Variants in MAN2A1 observed in about 807,000 individuals in gnomAD.
MAN2A1 encodes the protein mannosidase alpha class 2A member 1.
A neutral mutation model predicts 142.6 loss-of-function variants in MAN2A1; 76 were observed. The ratio of observed to expected loss-of-function variants is 0.53; its 90% confidence interval spans 0.44 to 0.65. The LOEUF (loss-of-function observed/expected upper bound fraction) is 0.65. Among genes scored for constraint, MAN2A1 ranks in the 30% least tolerant of loss-of-function variants. The pLI is 0.00. For missense variants in MAN2A1, 1,311 were observed against 1,365.1 expected, an observed-to-expected ratio of 0.96 and a Z score of 0.62; for synonymous variants, 559 against 473.2, an observed-to-expected ratio of 1.18 and a Z score of -2.35.
At chr5:109,693,340 A>G (rs987433837) in intron 1 of MAN2A1, among the ~76,000 whole-genome samples, 5 of 151,894 alleles carry the variant, frequency 3.3e-5, no homozygotes, top group Middle Eastern at 3.4e-3. Context: ...GGAGGTTGCA[A>G]TACATTTGTT....
Position 109,767,712 on chromosome 5 carries a change from T to C in MAN2A1, c.1009+4T>C, listed in dbSNP as rs1365205965. 7 of 1,607,580 alleles carry C rather than the reference T, an allele frequency of 4.4e-6. No individual in the cohort carries two copies. Among genetic ancestry groups the C allele is most frequent in the African/African-American group, 4.0e-5 (3 of 74,822 alleles). On this transcript the variant is annotated splice_donor_region_variant and intron_variant, in intron 6 of 21. Transcript: ENST00000261483. ...TTTTTTTGGAGACAGAATTGGGGTA[T>C]GTAGGGTTTGATGAAAGTTGATCCC...
At chr5:109,851,385 A>G (rs1334632045) in intron 19 of MAN2A1, among the ~76,000 whole-genome samples, 1 of 152,190 alleles carries the variant, frequency 6.6e-6, no homozygotes, top group Non-Finnish European at 1.5e-5. Context: ...CATTGTGGTA[A>G]TGTTGGGAGT....
At chr5:109,830,986 T>A (rs999504423) in intron 16 of MAN2A1, among the ~76,000 whole-genome samples, 10 of 152,146 alleles carry the variant, frequency 6.6e-5, no homozygotes, top group African/African-American at 2.4e-4. Context: ...CAAAGGTGGG[T>A]TGCACTGAAC....
intron 12 of MAN2A1, among the ~76,000 whole-genome samples, chr5:109,794,973 G>C (rs1306725060): frequency 6.6e-6 from 1 of 151,860 alleles, no homozygotes; most frequent in African/African-American, 2.4e-5. Flanking sequence ...TTTCAGAAAG[G>C]ATGCTTTATC....
At chr5:109,773,476 C>T (rs1157030355) in intron 7 of MAN2A1, among the ~76,000 whole-genome samples, 2 of 151,144 alleles carry the variant, frequency 1.3e-5, no homozygotes, top group East Asian at 3.9e-4. Context: ...TTTTTGGTAG[C>T]CTTCTTTCTA....
intron 1 of MAN2A1, among the ~76,000 whole-genome samples, chr5:109,706,064 G>A (rs1008289944): frequency 1.3e-5 from 2 of 152,206 alleles, no homozygotes; most frequent in Non-Finnish European, 2.9e-5. Flanking sequence ...GGATATCTTT[G>A]ACTAAACATT....
chr5:109,734,625 T>A (rs1182890776), intron 4 of MAN2A1, among the ~76,000 whole-genome samples: 1 of 152,222 alleles, frequency 6.6e-6, no homozygotes, highest in Non-Finnish European at 1.5e-5. Context: ...CATTTTGTTA[T>A]GTACCCAGTA....
intron 12 of MAN2A1, among the ~76,000 whole-genome samples, chr5:109,808,208 T>TC (rs1185981370): frequency 1.3e-5 from 2 of 152,210 alleles, no homozygotes; most frequent in African/African-American, 4.8e-5. Context: ...GAAAAGGATT[T>TC]CCCTGCTTCC....
At chr5:109,812,499 A>G (rs1194962078) in intron 12 of MAN2A1, among the ~76,000 whole-genome samples, 1 of 152,180 alleles carries the variant, frequency 6.6e-6, no homozygotes, top group Non-Finnish European at 1.5e-5. Context: ...TCATGTTTCC[A>G]TATTCAGAAT....
intron 1 of MAN2A1, among the ~76,000 whole-genome samples, chr5:109,703,127 G>A (rs764634694): frequency 6.6e-6 from 1 of 152,156 alleles, no homozygotes; most frequent in Non-Finnish European, 1.5e-5. Flanking sequence ...TATGAAAAAC[G>A]ATCTCAGACA....
intron 4 of MAN2A1, among the ~76,000 whole-genome samples, chr5:109,747,478 T>A (rs1444208884): frequency 6.6e-6 from 1 of 152,168 alleles, no homozygotes; most frequent in African/African-American, 2.4e-5. Flanking sequence ...TTGACTAATC[T>A]CTTACTTTTG....
rs188271305 is a variant in MAN2A1 at position 109,789,015 on chromosome 5, C to T, written c.1842C>T (p.Tyr614=). 8.6e-5 allele frequency: 138 copies of T among 1,598,186 alleles called. 2 individuals carry two copies. Among genetic ancestry groups the T allele is most frequent in the African/African-American group, 1.6e-4 (12 of 74,560 alleles). ...FLLILKDKLT[Y]DSYSPDTFLE... ...TTATTTTGAAGGACAAACTCACATA[C>T]GACTCTTACTCTCCTGATACCTTCC... The change falls in exon 11 of 22, where the codon TAC becomes TAT. Residue 614 remains tyrosine, a synonymous_variant. Coordinates refer to ENST00000261483, the MANE Select transcript of MAN2A1 (RefSeq NM_002372.4).
At chr5:109,719,296 A>G (rs567147285) in intron 3 of MAN2A1, among the ~76,000 whole-genome samples, 6 of 152,246 alleles carry the variant, frequency 3.9e-5, no homozygotes, top group African/African-American at 7.2e-5. Context: ...TTTTAAAACT[A>G]CAGTGATTTT....
intron 3 of MAN2A1, among the ~76,000 whole-genome samples, chr5:109,726,639 G>T (rs1418049817): frequency 6.6e-6 from 1 of 152,114 alleles, no homozygotes; most frequent in African/African-American, 2.4e-5. Context: ...AAACTCCCAT[G>T]ATAAACTCTT....
intron 1 of MAN2A1, among the ~76,000 whole-genome samples, chr5:109,710,798 C>T (rs1413115374): frequency 6.6e-6 from 1 of 152,134 alleles, no homozygotes; most frequent in Non-Finnish European, 1.5e-5. Context: ...TCAAGTGGCT[C>T]TCCTGCCTCA....
At chr5:109,693,049 A>G (rs770686119) in intron 1 of MAN2A1, among the ~76,000 whole-genome samples, 3 of 152,150 alleles carry the variant, frequency 2.0e-5, no homozygotes, top group Non-Finnish European at 4.4e-5. Flanking sequence ...TAACAGGTCC[A>G]TGGCCCTGGG....
intron 4 of MAN2A1, among the ~76,000 whole-genome samples, chr5:109,735,165 G>A (rs2112594274): frequency 6.6e-6 from 1 of 152,156 alleles, no homozygotes; most frequent in African/African-American, 2.4e-5. Context: ...TTGGTTTAAA[G>A]TCTGTTTTAT....
chr5:109,728,069 A>C (rs1046235825), intron 3 of MAN2A1, among the ~76,000 whole-genome samples: 2 of 152,180 alleles, frequency 1.3e-5, no homozygotes, highest in African/African-American at 2.4e-5. Flanking sequence ...TTATATTTCT[A>C]TTTGGCCTAT....
chr5:109,824,805 T>C (rs890009168), intron 16 of MAN2A1, among the ~76,000 whole-genome samples: 4 of 152,354 alleles, frequency 2.6e-5, no homozygotes, highest in Admixed American at 6.5e-5. Flanking sequence ...TTCAATTTTC[T>C]GATTTCATAG....
Sources: allele counts gnomAD v4.1 joint callset (sites outside exome capture counted in the v4.1 genomes callset), GRCh38; gene constraint gnomAD v4.1.1; transcripts MANE v1.5; gene names NCBI Gene and HGNC (gene_info 2026-07-23, HGNC 2026-07-21).